SLC45A2: variants seen among roughly 807,000 people sequenced by gnomAD.
The protein encoded by SLC45A2 is membrane-associated transporter protein.
SLC45A2 carries 36 observed loss-of-function variants against 45.5 expected under a neutral mutation model. That is an observed-to-expected ratio of 0.79 (90% CI 0.61 to 1.04). The LOEUF is 1.04. Among genes scored for constraint, SLC45A2 ranks in the 50% least tolerant of loss-of-function variants. The pLI, the probability that SLC45A2 is intolerant of heterozygous loss-of-function variation, is 0.00. For synonymous variants in SLC45A2, 306 were observed against 269.3 expected (o/e 1.14, Z -1.33); for missense variants, 719 against 671.0 (o/e 1.07, Z -0.79).
chr5:33,982,261 G>A lies in SLC45A2; in HGVS notation c.537C>T (p.Gly179=). ...DVCSHQDKEK[G]LHYHALFTGF... ...CTGTGAAGAGGGCATGGTAGTGGAG[G>A]CCCTTCTCCTTGTCCTGATGGGAGC... is the stretch of plus-strand genomic sequence containing the variant. Residue 179 remains glycine, a synonymous_variant, in exon 2 of 7, where the codon GGC becomes GGT. Transcript: ENST00000296589. The A allele has an allele frequency of 6.2e-7, 1 of 1,614,070 alleles. No individual in the cohort carries two copies. The highest frequency in any genetic ancestry group is 1.3e-5 in the African/African-American group (1 of 75,034).
intron 5 of SLC45A2, among the ~76,000 whole-genome samples, chr5:33,948,791 A>T (rs894815691): frequency 6.6e-6 from 1 of 152,240 alleles, no homozygotes; most frequent in African/African-American, 2.4e-5. Flanking sequence ...CCCATTAGGG[A>T]AATGCTCTTA....
At position 33,982,396 on chromosome 5, in the gene SLC45A2, TG is replaced by T; in HGVS notation, c.401del (p.Pro134GlnfsTer9). ...ATVVAALIAN[P>X]RRKLVWAISV... ...TTATGGCCCAAACCAGCTTCCTCCT[TG>T]GGTTAGCAATCAAAGCTAAAAGAAA... On this transcript the variant is annotated frameshift_variant, in exon 2 of 7. Transcript: ENST00000296589. LOFTEE classifies it high-confidence loss of function. 6.2e-7 allele frequency: 1 copy of T among 1,614,150 alleles called. No homozygotes were observed. Among genetic ancestry groups the T allele is most frequent in the Non-Finnish European group, 8.5e-7 (1 of 1,180,020 alleles).
rs1198641447 is a variant in SLC45A2, at chr5:33,964,031, A to G, written c.563-15T>C. 2 of 1,612,698 alleles carry G rather than the reference A, an allele frequency of 1.2e-6. No individual in the cohort carries two copies. The highest frequency in any genetic ancestry group is 2.2e-5 in the South Asian group (2 of 90,900). On this transcript the variant is annotated splice_polypyrimidine_tract_variant and intron_variant, in intron 2 of 6. Coordinates refer to ENST00000296589, the MANE Select transcript of SLC45A2 (RefSeq NM_016180.5). ...ACCTCCAAAACCTGGAAAGCAAGAA[A>G]AGCTATGTTAGCATATTTAGCAAAT...
rs562624441 is a variant in SLC45A2 at position 33,984,374 on chromosome 5, G to A, written c.210C>T (p.Tyr70=). 1.2e-6 allele frequency: 2 copies of A among 1,613,836 alleles called. No individual in the cohort carries two copies. Among genetic ancestry groups the A allele is most frequent in the African/African-American group, 2.7e-5 (2 of 75,066 alleles). The change falls in exon 1 of 7, where the codon TAC becomes TAT. Residue 70 remains tyrosine (Y), a synonymous_variant. Transcript: ENST00000296589. ...LLSVGLPSSL[Y]SIVWFLSPIL... ...TGGGGCTGAGGAACCACACAATGCTGTACAGGCTGCTGGGCAGACCTACGC... is the reference window on the plus strand; with the variant it reads ...TGGGGCTGAGGAACCACACAATGCTATACAGGCTGCTGGGCAGACCTACGC...
chr5:33,966,089 C>G (rs1416062020), intron 2 of SLC45A2, among the ~76,000 whole-genome samples: 1 of 152,144 alleles, frequency 6.6e-6, no homozygotes, highest in Non-Finnish European at 1.5e-5. Context: ...GCAGAAGACC[C>G]CTGCTCATTT....
At chr5:33,954,182 CT>C (rs1752200058) in intron 4 of SLC45A2, among the ~76,000 whole-genome samples, 178 bp downstream of exon 4, 3 of 152,196 alleles carry the variant, frequency 2.0e-5, no homozygotes, top group Admixed American at 2.0e-4. Context: ...GTAGTGTCCT[CT>C]AGTTGTCCAG....
intron 3 of SLC45A2, among the ~76,000 whole-genome samples, chr5:33,961,649 T>C (rs1021373409): frequency 6.6e-6 from 1 of 152,168 alleles, no homozygotes; most frequent in East Asian, 1.9e-4. Flanking sequence ...CAATTGCTAT[T>C]TTGCCATTTG....
At position 33,955,135 on chromosome 5, in the gene SLC45A2, G is replaced by A. The variant is rs535192516; in HGVS notation, c.889-631C>T. On this transcript the variant is annotated intron_variant, in intron 3 of 6. Transcript: ENST00000296589. ...GAAGGGAAAGTCAGAGCAACTCAAA[G>A]CACAAGAAATGTCTGCTTTGAAGGT... Among the ~76,000 whole-genome samples the A allele has an allele frequency of 9.9e-5, 15 of 152,258 alleles. No homozygotes were observed. The East Asian group carries it at 2.5e-3, about 25-fold the overall frequency.
intron 2 of SLC45A2, among the ~76,000 whole-genome samples, chr5:33,968,614 T>G (rs926782228): frequency 6.6e-6 from 1 of 151,738 alleles, no homozygotes. Flanking sequence ...AGTCCAAATA[T>G]ATAGAAATAT....
chr5:33,950,177 G>A (rs960031229), intron 5 of SLC45A2, among the ~76,000 whole-genome samples: 2 of 152,002 alleles, frequency 1.3e-5, no homozygotes, highest in African/African-American at 2.4e-5. Context: ...GTGGCAGAGT[G>A]AGACTTTGTC....
intron 2 of SLC45A2, among the ~76,000 whole-genome samples, chr5:33,974,098 C>T (rs1169748814): frequency 6.6e-6 from 1 of 152,170 alleles, no homozygotes; most frequent in Non-Finnish European, 1.5e-5. Context: ...ACTCCCTGGG[C>T]ACAAAAGGAT....
chr5:33,950,367 C>T (rs1029447495), intron 5 of SLC45A2, among the ~76,000 whole-genome samples: 2 of 152,018 alleles, frequency 1.3e-5, no homozygotes, highest in Non-Finnish European at 2.9e-5. Context: ...TTTGCACACT[C>T]GAAGAGGAAG....
chr5:33,964,537 A>C (rs1480397450), intron 2 of SLC45A2, among the ~76,000 whole-genome samples: 1 of 152,174 alleles, frequency 6.6e-6, no homozygotes, highest in Non-Finnish European at 1.5e-5. Context: ...AACACCCTCA[A>C]AAGCTGTCTT....
rs944029472 is a variant in SLC45A2 at position 33,984,471 on chromosome 5, T to C, written c.113A>G (p.His38Arg). The C allele has an allele frequency of 1.7e-5, 27 of 1,613,648 alleles. No individual in the cohort carries two copies. Among genetic ancestry groups the C allele is most frequent in the Non-Finnish European group, 2.3e-5 (27 of 1,180,042 alleles). ...PKRPTSRLIMHSMAMFGREFC... is the reference protein window; with the variant it reads ...PKRPTSRLIMRSMAMFGREFC... ...CTCTCTTCCGAACATGGCCATGCTGTGCATGATGAGTCTGCTGGTGGGTCT... is the reference window on the plus strand; with the variant it reads ...CTCTCTTCCGAACATGGCCATGCTGCGCATGATGAGTCTGCTGGTGGGTCT... The change falls in exon 1 of 7, where the codon CAC becomes CGC. Residue 38 changes from histidine to arginine, a missense_variant. Transcript: ENST00000296589.
chr5:33,966,427 CTTTT>C (rs367752652), intron 2 of SLC45A2, among the ~76,000 whole-genome samples: 3 of 95,196 alleles, frequency 3.2e-5, no homozygotes, highest in South Asian at 4.2e-4. Context: ...AAGCTACTTT[CTTTT>C]TTTTTTTTTT....
chr5:33,971,463 G>A (rs377020187), intron 2 of SLC45A2: 109 of 405,986 alleles, frequency 2.7e-4, no homozygotes, highest in African/African-American at 2.1e-3. Flanking sequence ...TTTGGAGACA[G>A]GGTCTCACTC....
At position 33,982,385 on chromosome 5, in the gene SLC45A2, A is replaced by G. The variant is rs1191816380; in HGVS notation, c.413T>C (p.Leu138Pro). The change falls in exon 2 of 7, where the codon CTG becomes CCG. Residue 138 changes from leucine to proline, a missense_variant. Leu to Pro is a moderately conservative substitution (Grantham distance 98). Transcript: ENST00000296589. ...CATGGTGACACTTATGGCCCAAACCAGCTTCCTCCTTGGGTTAGCAATCAA... is the reference window on the plus strand; with the variant it reads ...CATGGTGACACTTATGGCCCAAACCGGCTTCCTCCTTGGGTTAGCAATCAA... Reference protein sequence around the residue: ...AALIANPRRKLVWAISVTMIG... With the variant: ...AALIANPRRKPVWAISVTMIG... 4 of 1,614,082 alleles carry G rather than the reference A, an allele frequency of 2.5e-6. No homozygotes were observed. Among genetic ancestry groups the G allele is most frequent in the Non-Finnish European group, 3.4e-6 (4 of 1,180,040 alleles).
chr5:33,959,818 T>G (rs1252834440), intron 3 of SLC45A2, among the ~76,000 whole-genome samples: 1 of 152,186 alleles, frequency 6.6e-6, no homozygotes, highest in Non-Finnish European at 1.5e-5. Flanking sequence ...CTTTTGCATT[T>G]ATTTTGGAAA....
At chr5:33,954,217 C>G in intron 4 of SLC45A2, 144 bp downstream of exon 4, 1 of 1,155,564 alleles carries the variant, frequency 8.7e-7, no homozygotes, top group South Asian at 1.3e-5. Flanking sequence ...TTTTCTACAC[C>G]TGTCTGTAAG....
Sources: allele counts gnomAD v4.1 joint callset (sites outside exome capture counted in the v4.1 genomes callset), GRCh38; gene constraint gnomAD v4.1.1; transcripts MANE v1.5; gene names NCBI Gene and HGNC (gene_info 2026-07-23, HGNC 2026-07-21).